PALLD: variants seen among roughly 807,000 people sequenced by gnomAD.
PALLD encodes the protein palladin, cytoskeletal associated protein, also known as palladin.
In PALLD, 61 loss-of-function variants were observed where a neutral mutation model predicts 123.5. The observed-to-expected ratio is 0.49, with a 90% confidence interval of 0.40 to 0.61. The LOEUF (loss-of-function observed/expected upper bound fraction) is 0.61. PALLD is among the 20% of genes least tolerant of loss of function. The pLI is 0.00. For synonymous variants in PALLD, 465 were observed against 496.4 expected, an observed-to-expected ratio of 0.94 and a Z score of 0.84; for missense variants, 1,273 against 1,377.0, an observed-to-expected ratio of 0.92 and a Z score of 1.20.
intron 2 of PALLD, among the ~76,000 whole-genome samples, chr4:168,518,593 C>G (rs1447603944): frequency 6.6e-6 from 1 of 152,154 alleles, no homozygotes; most frequent in East Asian, 1.9e-4. Flanking sequence ...ATCTCTCTCC[C>G]CAGATATCTG....
At chr4:168,716,517 A>G (rs1195871264) in intron 10 of PALLD, among the ~76,000 whole-genome samples, 2 of 152,250 alleles carry the variant, frequency 1.3e-5, no homozygotes, top group South Asian at 2.1e-4. Context: ...AAACGATTTC[A>G]GGCTGAATCA....
intron 2 of PALLD, among the ~76,000 whole-genome samples, chr4:168,641,164 C>T (rs1776905528): frequency 6.7e-6 from 1 of 150,230 alleles, no homozygotes; most frequent in East Asian, 1.9e-4. Context: ...GCCAAGATTG[C>T]ACCACGGCAC....
chr4:168,668,259 C>T lies in PALLD; in HGVS notation c.978C>T (p.Leu326=), dbSNP rs774397567. 1 of 1,614,072 alleles carries T rather than the reference C, an allele frequency of 6.2e-7. No homozygotes were observed. Among genetic ancestry groups the T allele is most frequent in the South Asian group, 1.1e-5 (1 of 91,082 alleles). ...AAATCCACTGTGAGGGAGGGGACCTCCATACCCTGATCATAGCAGAGGCCT... is the reference window on the plus strand; with the variant it reads ...AAATCCACTGTGAGGGAGGGGACCTTCATACCCTGATCATAGCAGAGGCCT... ...DIQIHCEGGD[L]HTLIIAEAFE... The change falls in exon 3 of 22, where the codon CTC becomes CTT. Residue 326 remains leucine (L), a synonymous_variant. Coordinates refer to ENST00000505667, the MANE Select transcript of PALLD (RefSeq NM_001166108.2).
At chr4:168,793,722 G>C (rs1020014958) in intron 10 of PALLD, among the ~76,000 whole-genome samples, 3 of 152,132 alleles carry the variant, frequency 2.0e-5, no homozygotes, top group African/African-American at 7.2e-5. Context: ...CGCACAGGAA[G>C]AGCACAGCCC....
intron 10 of PALLD, among the ~76,000 whole-genome samples, chr4:168,859,103 G>A (rs1338031544): frequency 6.6e-6 from 1 of 152,140 alleles, no homozygotes; most frequent in South Asian, 2.1e-4. Flanking sequence ...TCTTGTCAAC[G>A]TGTTACAACA....
At chr4:168,546,989 A>G (rs771641343) in intron 2 of PALLD, among the ~76,000 whole-genome samples, 25 of 152,134 alleles carry the variant, frequency 1.6e-4, no homozygotes, top group Non-Finnish European at 3.4e-4. Flanking sequence ...TCTGAACTTA[A>G]CACCTTATAT....
chr4:168,780,945 C>G (rs1401534438), intron 10 of PALLD, among the ~76,000 whole-genome samples: 3 of 152,164 alleles, frequency 2.0e-5, no homozygotes, highest in African/African-American at 7.2e-5. Flanking sequence ...ACTTCAGCCT[C>G]CCAAAGTGCT....
chr4:168,502,306 GAATA>G (rs1761494281), intron 1 of PALLD, among the ~76,000 whole-genome samples: 1 of 152,070 alleles, frequency 6.6e-6, no homozygotes, highest in South Asian at 2.1e-4. Flanking sequence ...CCAGAAAATA[GAATA>G]AATGCTTTTC....
intron 10 of PALLD, among the ~76,000 whole-genome samples, chr4:168,785,083 T>C (rs1244060751): frequency 2.1e-5 from 2 of 96,160 alleles, no homozygotes; most frequent in Non-Finnish European, 4.9e-5. Flanking sequence ...TTTTTTTTTT[T>C]TTTTGTAATG....
At position 168,639,800 on chromosome 4, in the gene PALLD, A is replaced by T. The variant is rs189898190; in HGVS notation, c.909-28390A>T. ...ACCTCGTGATCCGCCCGCCTCGGCC[A>T]CCCAAAGTGCTGGGATTATAGGCGT... On this transcript the variant is annotated intron_variant, in intron 2 of 21. Transcript: ENST00000505667. Among the ~76,000 whole-genome samples the T allele has an allele frequency of 2.2e-3, 337 of 152,146 alleles. 4 individuals carry two copies. The highest frequency in any genetic ancestry group is 8.1e-3 in the South Asian group (39 of 4,816).
At chr4:168,845,339 A>G (rs779182320) in intron 10 of PALLD, among the ~76,000 whole-genome samples, 7 of 152,220 alleles carry the variant, frequency 4.6e-5, no homozygotes, top group Non-Finnish European at 8.8e-5. Flanking sequence ...TTCCAATAGC[A>G]TCATCTGTCT....
chr4:168,746,592 C>T (rs1358147600), intron 10 of PALLD, among the ~76,000 whole-genome samples: 1 of 151,996 alleles, frequency 6.6e-6, no homozygotes, highest in Non-Finnish European at 1.5e-5. Flanking sequence ...AGCCCGTTCT[C>T]CATTCTGGTT....
At chr4:168,536,184 T>C (rs537590102) in intron 2 of PALLD, among the ~76,000 whole-genome samples, 8 of 152,320 alleles carry the variant, frequency 5.3e-5, no homozygotes, top group Admixed American at 4.6e-4. Flanking sequence ...AAAAGACCCC[T>C]GACTTCTGAT....
At chr4:168,499,457 T>C (rs1336850334) in intron 1 of PALLD, among the ~76,000 whole-genome samples, 2 of 152,118 alleles carry the variant, frequency 1.3e-5, no homozygotes, top group Non-Finnish European at 2.9e-5. Context: ...CTAACTTTGG[T>C]TTTCATAGTT....
At chr4:168,857,119 C>T (rs574744018) in intron 10 of PALLD, among the ~76,000 whole-genome samples, 1 of 152,276 alleles carries the variant, frequency 6.6e-6, no homozygotes, top group African/African-American at 2.4e-5. Context: ...TCTCGACAAC[C>T]CTTCTCTCAT....
rs142507745 is a variant in PALLD at position 168,883,661 on chromosome 4, C to T, written c.1965-7261C>T. On this transcript the variant is annotated intron_variant, in intron 10 of 21. Transcript: ENST00000505667. ...GGTGATTGAATCTGGAAAATTTTAC[C>T]TTCCAGATGCTTGTGTATATGTTTG... Among the ~76,000 whole-genome samples, 136 of 152,272 alleles carry T rather than the reference C, an allele frequency of 8.9e-4. 1 individual carries two copies. The highest frequency in any genetic ancestry group is 3.2e-3 in the African/African-American group (131 of 41,564).
At chr4:168,729,053 C>T (rs951472467) in intron 10 of PALLD, among the ~76,000 whole-genome samples, 2 of 152,096 alleles carry the variant, frequency 1.3e-5, no homozygotes, top group South Asian at 2.1e-4. Flanking sequence ...ATTTAGTAAG[C>T]GACCTAAATA....
intron 10 of PALLD, among the ~76,000 whole-genome samples, chr4:168,757,300 C>T (rs969282106): frequency 6.6e-6 from 1 of 152,170 alleles, no homozygotes; most frequent in Admixed American, 6.5e-5. Context: ...CAATGTATTA[C>T]ATTGCCAAGT....
At chr4:168,599,963 G>T (rs1230081905) in intron 2 of PALLD, among the ~76,000 whole-genome samples, 2 of 150,818 alleles carry the variant, frequency 1.3e-5, no homozygotes, top group Non-Finnish European at 3.0e-5. Context: ...TGTGTGTATT[G>T]TATACACACA....
Sources: allele counts gnomAD v4.1 joint callset (sites outside exome capture counted in the v4.1 genomes callset), GRCh38; gene constraint gnomAD v4.1.1; transcripts MANE v1.5; gene names NCBI Gene and HGNC (gene_info 2026-07-23, HGNC 2026-07-21).